Variants in HIP1 observed in about 807,000 individuals in gnomAD.
HIP1 encodes huntingtin interacting protein 1, also known as huntingtin-interacting protein 1.
In HIP1, 65 loss-of-function variants were observed where a neutral mutation model predicts 147.6. That is an observed-to-expected ratio of 0.44 (90% CI 0.36 to 0.54). HIP1 has a LOEUF of 0.54. HIP1 is among the 20% of genes least tolerant of loss of function. HIP1 has a pLI of 0.00. For synonymous variants in HIP1, 479 were observed against 504.0 expected (o/e 0.95, Z 0.67); for missense variants, 1,061 against 1,299.6 (o/e 0.82, Z 2.82).
chr7:75,539,280 C>A, intron 30 of HIP1, 43 bp downstream of exon 30: 1 of 1,441,084 alleles, frequency 6.9e-7, no homozygotes, highest in East Asian at 2.3e-5. Flanking sequence ...CACAGCTTCC[C>A]CTCCCTGCTG....
At chr7:75,581,956 G>C (rs1489433022) in intron 6 of HIP1, 119 bp downstream of exon 6, 6 of 753,692 alleles carry the variant, frequency 8.0e-6, no homozygotes, top group Non-Finnish European at 1.3e-5. Flanking sequence ...TCACCCAGGG[G>C]CTTTGGTCCC....
At chr7:75,706,766 A>G (rs1396600045) in intron 1 of HIP1, among the ~76,000 whole-genome samples, 6 of 97,222 alleles carry the variant, frequency 6.2e-5, no homozygotes, top group African/African-American at 4.3e-5. Flanking sequence ...ATATCTCCCA[A>G]TGCTATCCCT....
At position 75,666,009 on chromosome 7, in the gene HIP1, G is replaced by A. The variant is rs1482236508; in HGVS notation, c.121-66762C>T. On this transcript the variant is annotated intron_variant, in intron 1 of 30. Coordinates refer to ENST00000336926, the MANE Select transcript of HIP1 (RefSeq NM_005338.7). ...ATATCCAAGATCTATGTTACTCAGCGAAATACCACTGCAGACCCACACAGA... is the reference window on the plus strand; with the variant it reads ...ATATCCAAGATCTATGTTACTCAGCAAAATACCACTGCAGACCCACACAGA... 3.9e-5 allele frequency among the ~76,000 whole-genome samples: 6 copies of A among 152,046 alleles called. No homozygotes were observed. The East Asian group carries it at 5.8e-4, about 15-fold the overall frequency.
chr7:75,646,668 G>T (rs1178396292), intron 1 of HIP1, among the ~76,000 whole-genome samples: 10 of 152,222 alleles, frequency 6.6e-5, no homozygotes, highest in African/African-American at 2.4e-4. Context: ...GGGTCCACTT[G>T]GCACAGCAAG....
rs1422326106 is a variant in HIP1 at position 75,533,418 on chromosome 7, T to A, written c.*4754A>T. 4.3e-6 allele frequency: 1 copy of A among 230,982 alleles called. No individual in the cohort carries two copies. Among genetic ancestry groups the A allele is most frequent in the African/African-American group, 2.2e-5 (1 of 45,218 alleles). 14.3% of individuals were successfully genotyped at this position (230,982 alleles called of 1,614,324 possible). ...AGGGAAACAGAAGCCAGTGGCCACC[T>A]GCCCTGGGAAGGTAGGCACTCAGTG... On this transcript the variant is annotated 3_prime_UTR_variant, in exon 31 of 31. Transcript: ENST00000336926.
At chr7:75,542,071 G>T (rs994991645) in intron 28 of HIP1, 91 bp from the exon 29 acceptor site, 3 of 1,020,028 alleles carry the variant, frequency 2.9e-6, no homozygotes, top group Non-Finnish European at 4.7e-6. Context: ...CTGTGGAAAC[G>T]CCTGGCTTGC....
At chr7:75,722,256 A>C (rs1037800109) in intron 1 of HIP1, among the ~76,000 whole-genome samples, 2 of 152,024 alleles carry the variant, frequency 1.3e-5, no homozygotes, top group Non-Finnish European at 2.9e-5. Flanking sequence ...GCTGCAGTGA[A>C]CCGTAATTAT....
At chr7:75,650,470 T>TTTTTTTTTG (rs1798936387) in intron 1 of HIP1, among the ~76,000 whole-genome samples, 2 of 147,926 alleles carry the variant, frequency 1.4e-5, no homozygotes, top group African/African-American at 2.5e-5. Flanking sequence ...TTTTTTTTTT[T>TTTTTTTTTG]GAGACAGAGT....
chr7:75,659,510 A>T (rs1325949845), intron 1 of HIP1, among the ~76,000 whole-genome samples: 3 of 152,084 alleles, frequency 2.0e-5, no homozygotes, highest in African/African-American at 7.2e-5. Context: ...TTAGCCAGGT[A>T]TGGTGGCGCA....
chr7:75,710,583 GTTAGT>G (rs1282385322), intron 1 of HIP1, among the ~76,000 whole-genome samples: 3 of 152,100 alleles, frequency 2.0e-5, no homozygotes, highest in Non-Finnish European at 4.4e-5. Flanking sequence ...AAGAACTGGT[GTTAGT>G]TCTAAACGAT....
At chr7:75,612,238 C>T (rs928434143) in intron 1 of HIP1, among the ~76,000 whole-genome samples, 3 of 152,280 alleles carry the variant, frequency 2.0e-5, no homozygotes, top group East Asian at 1.9e-4. Flanking sequence ...AGGCCGGGCA[C>T]GGTGGCTCCA....
At chr7:75,637,243 GAATT>G in intron 1 of HIP1, among the ~76,000 whole-genome samples, 1 of 152,326 alleles carries the variant, frequency 6.6e-6, no homozygotes, top group South Asian at 2.1e-4. Flanking sequence ...GAAATTATGA[GAATT>G]AAATAAATGC....
chr7:75,595,247 T>TTCCTTCCTTCCTTCCTTCCTTCCTTC (rs1563230320), intron 2 of HIP1, among the ~76,000 whole-genome samples: 3 of 82,962 alleles, frequency 3.6e-5, no homozygotes, highest in African/African-American at 1.3e-4. Flanking sequence ...TTTCTTTCTT[T>TTCCTTCCTTCCTTCCTTCCTTCCTTC]CTTTCTTCCT....
chr7:75,537,464 G>A lies in HIP1; in HGVS notation c.*708C>T, dbSNP rs991459160. The A allele has an allele frequency of 8.6e-6, 2 of 232,134 alleles. No homozygotes were observed. The highest frequency in any genetic ancestry group is 4.4e-5 in the African/African-American group (2 of 45,144). The allele number at this position is 232,134 out of a possible 1,614,324, so 14.4% of individuals were successfully genotyped here. On this transcript the variant is annotated 3_prime_UTR_variant, in exon 31 of 31. Transcript: ENST00000336926. ...GCTACCACAGTTGGGGGGCCCTGGA[G>A]ACTCAGCCCCAGGGGTGTGCCCTTT...
At position 75,545,103 on chromosome 7, in the gene HIP1, C is replaced by T; in HGVS notation, c.2645G>A (p.Gly882Glu). ...AGATACTTACACCATGACAGTGGCTCCCCAGCCCACAGCCTTGGAGGCTGA... is the reference window on the plus strand; with the variant it reads ...AGATACTTACACCATGACAGTGGCTTCCCAGCCCACAGCCTTGGAGGCTGA... ...LISASKAVGWGATVMVDAADL... is the reference protein window; with the variant it reads ...LISASKAVGWEATVMVDAADL... The change falls in exon 26 of 31, where the codon GGA becomes GAA. Residue 882 changes from glycine to glutamate, a missense_variant. Physicochemically the swap from Gly to Glu is moderately conservative, Grantham distance 98. Transcript: ENST00000336926. 6.2e-7 allele frequency: 1 copy of T among 1,605,384 alleles called. No individual in the cohort carries two copies. The highest frequency in any genetic ancestry group is 8.5e-7 in the Non-Finnish European group (1 of 1,175,416).
chr7:75,708,540 T>G (rs1388037698), intron 1 of HIP1, among the ~76,000 whole-genome samples: 2 of 152,130 alleles, frequency 1.3e-5, no homozygotes, highest in African/African-American at 4.8e-5. Flanking sequence ...TGGTGTAAGA[T>G]AAGTGTCCAA....
At chr7:75,603,076 G>A in intron 1 of HIP1, among the ~76,000 whole-genome samples, 1 of 147,648 alleles carries the variant, frequency 6.8e-6, no homozygotes, top group South Asian at 2.2e-4. Flanking sequence ...GCCGGGCGCA[G>A]TGACTCACAC....
chr7:75,660,805 C>G (rs1799287667), intron 1 of HIP1, among the ~76,000 whole-genome samples: 2 of 152,202 alleles, frequency 1.3e-5, no homozygotes, highest in Admixed American at 6.6e-5. Context: ...AACAATACCG[C>G]CAAAGCAACA....
chr7:75,638,782 C>G (rs1192618138), intron 1 of HIP1, among the ~76,000 whole-genome samples: 1 of 152,130 alleles, frequency 6.6e-6, no homozygotes, highest in Non-Finnish European at 1.5e-5. Context: ...CGGCGAGCCC[C>G]GCAGCCCAGT....
Sources: allele counts gnomAD v4.1 joint callset (sites outside exome capture counted in the v4.1 genomes callset), GRCh38; gene constraint gnomAD v4.1.1; transcripts MANE v1.5; gene names NCBI Gene and HGNC (gene_info 2026-07-23, HGNC 2026-07-21).